Variants in GRM5 observed in about 807,000 individuals in gnomAD.
GRM5 encodes the protein metabotropic glutamate receptor 5.
GRM5 carries 19 observed loss-of-function variants against 83.1 expected under a neutral mutation model. The ratio of observed to expected loss-of-function variants is 0.23; its 90% CI spans 0.16 to 0.34. The LOEUF is 0.34. Ranked by LOEUF, GRM5 falls within the 10% of genes least tolerant of loss-of-function variation. The pLI is 1.00. For missense variants in GRM5, 1,160 were observed against 1,588.3 expected (o/e 0.73, Z 4.58); for synonymous variants, 675 against 633.6 (o/e 1.07, Z -0.98).
At chr11:88,510,892 G>A (rs1303408281) in intron 9 of GRM5, among the ~76,000 whole-genome samples, 3 of 152,204 alleles carry the variant, frequency 2.0e-5, no homozygotes, top group African/African-American at 7.2e-5. Context: ...TAGGGGGTCT[G>A]TTATTTTCAG....
chr11:88,555,555 T>C (rs1942607230), intron 8 of GRM5, among the ~76,000 whole-genome samples: 1 of 152,168 alleles, frequency 6.6e-6, no homozygotes, highest in South Asian at 2.1e-4. Flanking sequence ...CTCTCTTTTT[T>C]CTCAAACTAA....
intron 3 of GRM5, among the ~76,000 whole-genome samples, chr11:88,788,362 A>G (rs1458046403): frequency 6.6e-6 from 1 of 152,140 alleles, no homozygotes; most frequent in East Asian, 1.9e-4. Context: ...GGATCCTGAG[A>G]GGGATTGGAA....
chr11:88,735,124 A>G lies in GRM5; in HGVS notation c.912-81721T>C, dbSNP rs984842161. On this transcript the variant is annotated intron_variant, in intron 3 of 9. Transcript: ENST00000305447. Reference sequence around the variant, plus strand: ...TGAGTTATTCATTCTTAATAAAATCATCTTATATAACTCGAAGAAATACAT... The same window carrying G: ...TGAGTTATTCATTCTTAATAAAATCGTCTTATATAACTCGAAGAAATACAT... Among the ~76,000 whole-genome samples the G allele has an allele frequency of 2.0e-5, 3 of 152,200 alleles. No homozygotes were observed. In the East Asian group the frequency reaches 5.8e-4, roughly 30 times the overall value.
At chr11:89,011,810 T>C (rs967882346) in intron 2 of GRM5, among the ~76,000 whole-genome samples, 1 of 152,240 alleles carries the variant, frequency 6.6e-6, no homozygotes, top group African/African-American at 2.4e-5. Flanking sequence ...TGCTATTATA[T>C]AGATGCAATT....
At chr11:88,560,124 A>G (rs1942720381) in intron 8 of GRM5, among the ~76,000 whole-genome samples, 1 of 152,124 alleles carries the variant, frequency 6.6e-6, no homozygotes. Flanking sequence ...AAGCAAGGCT[A>G]GCTAAGGGTG....
chr11:88,725,666 G>A (rs1320940652), intron 3 of GRM5, among the ~76,000 whole-genome samples: 1 of 152,110 alleles, frequency 6.6e-6, no homozygotes, highest in African/African-American at 2.4e-5. Context: ...GTACCCCTAT[G>A]GGATGAGGCT....
intron 1 of GRM5, among the ~76,000 whole-genome samples, chr11:89,060,279 TATATATAC>T (rs912385782): frequency 1.0e-4 from 14 of 137,180 alleles, no homozygotes; most frequent in African/African-American, 3.6e-4. Flanking sequence ...TATATATATA[TATATATAC>T]ACACACACAC....
At chr11:89,041,267 T>C (rs1941527073) in intron 2 of GRM5, among the ~76,000 whole-genome samples, 1 of 152,210 alleles carries the variant, frequency 6.6e-6, no homozygotes, top group African/African-American at 2.4e-5. Context: ...TCACCAGAGA[T>C]ATTTCTGCAT....
At chr11:88,887,812 C>T (rs563766818) in intron 2 of GRM5, among the ~76,000 whole-genome samples, 2 of 152,268 alleles carry the variant, frequency 1.3e-5, no homozygotes, top group East Asian at 3.9e-4. Flanking sequence ...GAAAAAGCAG[C>T]TCATTTTCTT....
intron 2 of GRM5, among the ~76,000 whole-genome samples, chr11:88,883,960 C>A (rs1945001963): frequency 6.6e-6 from 1 of 152,056 alleles, no homozygotes; most frequent in African/African-American, 2.4e-5. Flanking sequence ...GGGGTCAGGG[C>A]CCTCATGGAG....
At chr11:88,819,200 A>G (rs755288669) in intron 3 of GRM5, among the ~76,000 whole-genome samples, 4 of 152,208 alleles carry the variant, frequency 2.6e-5, no homozygotes, top group Non-Finnish European at 5.9e-5. Context: ...TTGATGCCAT[A>G]ATTTCTGAGC....
At chr11:88,912,932 G>A (rs1275939972) in intron 2 of GRM5, among the ~76,000 whole-genome samples, 2 of 152,154 alleles carry the variant, frequency 1.3e-5, no homozygotes, top group Non-Finnish European at 2.9e-5. Flanking sequence ...CATGAGCATG[G>A]AACTTGGGAT....
At chr11:89,039,278 A>AT (rs1555067423) in intron 2 of GRM5, among the ~76,000 whole-genome samples, 2,217 of 149,120 alleles carry the variant, frequency 0.015, 21 homozygotes, top group East Asian at 0.027. Flanking sequence ...ATAAAAAAAA[A>AT]ATATATATAT....
intron 2 of GRM5, among the ~76,000 whole-genome samples, chr11:88,987,020 T>G (rs1407891954): frequency 1.3e-5 from 2 of 152,060 alleles, no homozygotes; most frequent in South Asian, 4.2e-4. Flanking sequence ...GATGGCCGAA[T>G]AGGAACAGCT....
intron 2 of GRM5, among the ~76,000 whole-genome samples, chr11:88,967,426 T>C (rs1425804893): frequency 8.5e-3 from 1 of 118 alleles, no homozygotes; most frequent in Non-Finnish European, 0.015. Context: ...ATTTATTTCT[T>C]ATACTTTGGC....
intron 2 of GRM5, among the ~76,000 whole-genome samples, chr11:89,003,043 A>G (rs984400108): frequency 1.2e-4 from 18 of 152,030 alleles, no homozygotes; most frequent in Non-Finnish European, 2.9e-5. Flanking sequence ...AATTTTTCTC[A>G]TGACAAGAAC....
chr11:88,582,103 G>A (rs1555072930), intron 7 of GRM5, among the ~76,000 whole-genome samples: 1 of 151,680 alleles, frequency 6.6e-6, no homozygotes, highest in Non-Finnish European at 1.5e-5. Flanking sequence ...CATTAAATTG[G>A]TTCCTACACT....
intron 2 of GRM5, among the ~76,000 whole-genome samples, chr11:88,880,549 C>A (rs1944935002): frequency 6.6e-6 from 1 of 152,124 alleles, no homozygotes; most frequent in Non-Finnish European, 1.5e-5. Context: ...GAATACAATT[C>A]TTTCCTCATT....
intron 4 of GRM5, among the ~76,000 whole-genome samples, chr11:88,639,430 T>C (rs1939229153): frequency 6.6e-6 from 1 of 152,144 alleles, no homozygotes; most frequent in Non-Finnish European, 1.5e-5. Flanking sequence ...TTGTTTGAGG[T>C]CCAGTGTCTT....
Sources: allele counts gnomAD v4.1 joint callset (sites outside exome capture counted in the v4.1 genomes callset), GRCh38; gene constraint gnomAD v4.1.1; transcripts MANE v1.5; gene names NCBI Gene and HGNC (gene_info 2026-07-23, HGNC 2026-07-21).